PCNT: variants seen among roughly 807,000 people sequenced by gnomAD.
PCNT encodes the protein kendrin.
In PCNT, 319 loss-of-function variants were observed where a neutral mutation model predicts 380.4. The ratio of observed to expected loss-of-function variants is 0.84; its 90% CI spans 0.77 to 0.92. PCNT has a LOEUF of 0.92. Among genes scored for constraint, PCNT ranks in the 40% least tolerant of loss-of-function variants. PCNT has a pLI of 0.00. For missense variants in PCNT, 4,400 were observed against 4,255.3 expected, an observed-to-expected ratio of 1.03 and a Z score of -0.95; for synonymous variants, 1,845 against 1,735.2, an observed-to-expected ratio of 1.06 and a Z score of -1.57.
Position 46,366,678 on chromosome 21 carries a change from C to T in PCNT, c.2704C>T (p.Gln902Ter). 1.2e-6 allele frequency: 2 copies of T among 1,613,894 alleles called. No homozygotes were observed. Among genetic ancestry groups the T allele is most frequent in the Non-Finnish European group, 1.7e-6 (2 of 1,180,002 alleles). The change falls in exon 15 of 47, where the codon CAG becomes TAG. Residue 902 changes from glutamine (Q) to a stop codon, truncating the protein, a stop_gained. Coordinates refer to ENST00000359568, the MANE Select transcript of PCNT (RefSeq NM_006031.6). LOFTEE classifies it high-confidence loss of function. ...CCAGGAGCAGCATGCCCGTGAGCTG[C>T]AGCTCCTCCAGGAGAGACACCAGCA... ...EAQEQHARELQLLQERHQQQL... is the reference protein window; with the variant it reads ...EAQEQHAREL
intron 1 of PCNT, chr21:46,324,799 G>T: frequency 1.2e-6 from 1 of 839,552 alleles, no homozygotes; most frequent in Non-Finnish European, 1.4e-6. Flanking sequence ...GGCCGGGGCC[G>T]GGGGCGTGGC....
rs748224366 is a variant in PCNT, at chr21:46,411,530, C to G, written c.5457C>G (p.Ala1819=). 2.5e-6 allele frequency: 4 copies of G among 1,610,468 alleles called. No homozygotes were observed. The highest frequency in any genetic ancestry group is 1.7e-4 in the Middle Eastern group (1 of 5,978). Residue 1819 remains alanine, a synonymous_variant, in exon 28 of 47, where the codon GCC becomes GCG. Transcript: ENST00000359568. Reference sequence around the variant, plus strand: ...GCAGGCACAGCCAGGCCCTGGAGGCCCTGCAGCAGCGCCTCCAGGGCGCAG... The same window carrying G: ...GCAGGCACAGCCAGGCCCTGGAGGCGCTGCAGCAGCGCCTCCAGGGCGCAG... ...QERRHSQALE[A]LQQRLQGAEE...
At chr21:46,433,540 T>A (rs1009865620) in intron 38 of PCNT, among the ~76,000 whole-genome samples, 12 of 152,274 alleles carry the variant, frequency 7.9e-5, no homozygotes, top group African/African-American at 2.4e-4. Flanking sequence ...GGTGTGTGTG[T>A]TTGCCTTTCT....
In PCNT at chr21:46,440,210, C is replaced by A. The variant is rs750108017; in HGVS notation, c.9393+8C>A. On this transcript the variant is annotated splice_region_variant and intron_variant, in intron 42 of 46. Transcript: ENST00000359568. Reference sequence around the variant, plus strand: ...CACACCAGCAATGTCAAGGTAGGAACGGTGCCACGAGTATAGAACTTTGGT... The same window carrying A: ...CACACCAGCAATGTCAAGGTAGGAAAGGTGCCACGAGTATAGAACTTTGGT... 6.2e-7 allele frequency: 1 copy of A among 1,613,738 alleles called. No homozygotes were observed. Among genetic ancestry groups the A allele is most frequent in the African/African-American group, 1.3e-5 (1 of 74,918 alleles).
At chr21:46,364,374 T>A (rs1236453036) in intron 14 of PCNT, among the ~76,000 whole-genome samples, 3 of 150,148 alleles carry the variant, frequency 2.0e-5, no homozygotes, top group Admixed American at 2.0e-4. Flanking sequence ...GCTTTGTGTT[T>A]GGACGGGCAG....
intron 2 of PCNT, among the ~76,000 whole-genome samples, chr21:46,330,536 T>TCC (rs2083525007): frequency 6.6e-6 from 1 of 152,226 alleles, no homozygotes; most frequent in Non-Finnish European, 1.5e-5. Context: ...TTTTGTCAAT[T>TCC]ATGTATATAA....
chr21:46,376,643 G>A (rs760682211), intron 15 of PCNT, among the ~76,000 whole-genome samples: 1 of 152,226 alleles, frequency 6.6e-6, no homozygotes, highest in Non-Finnish European at 1.5e-5. Flanking sequence ...ATTCACCAGC[G>A]TTTTGTGGTT....
chr21:46,393,182 G>A (rs1008946957), intron 21 of PCNT, among the ~76,000 whole-genome samples: 1 of 152,148 alleles, frequency 6.6e-6, no homozygotes, highest in African/African-American at 2.4e-5. Context: ...GGAGTGCGGG[G>A]GAACCTCCAG....
chr21:46,342,252 G>T (rs1028677303), intron 3 of PCNT, among the ~76,000 whole-genome samples: 2 of 151,998 alleles, frequency 1.3e-5, no homozygotes, highest in Admixed American at 6.6e-5. Context: ...GATTACAGGC[G>T]TGCACAACTG....
At chr21:46,412,768 G>T (rs1213244775) in intron 28 of PCNT, 69 bp from the exon 29 acceptor site, 8 of 1,563,076 alleles carry the variant, frequency 5.1e-6, no homozygotes, top group Non-Finnish European at 7.0e-6. Flanking sequence ...CCCAGCTCCA[G>T]GCCACCTGAG....
At chr21:46,367,403 G>A (rs2084968027) in intron 15 of PCNT, among the ~76,000 whole-genome samples, 1 of 151,956 alleles carries the variant, frequency 6.6e-6, no homozygotes, top group East Asian at 1.9e-4. Flanking sequence ...CGCCTCCTGG[G>A]TTCAAGTGAT....
At chr21:46,426,072 T>TTTTTTA in intron 33 of PCNT, 101 bp downstream of exon 33, 2 of 788,034 alleles carry the variant, frequency 2.5e-6, no homozygotes, top group Non-Finnish European at 3.4e-6. Flanking sequence ...TTTCTTTCTT[T>TTTTTTA]TTTTTTTTTT....
intron 27 of PCNT, among the ~76,000 whole-genome samples, chr21:46,409,139 G>A (rs1452523781): frequency 6.6e-6 from 1 of 150,972 alleles, no homozygotes; most frequent in Non-Finnish European, 1.5e-5. Context: ...CCAATGTATG[G>A]CTGGTCTTTT....
intron 24 of PCNT, among the ~76,000 whole-genome samples, chr21:46,398,588 C>T (rs2086288073): frequency 6.6e-6 from 1 of 152,202 alleles, no homozygotes; most frequent in Non-Finnish European, 1.5e-5. Context: ...CCCCACGGAC[C>T]CTCGTGTACT....
At chr21:46,441,317 A>G (rs2053600848) in intron 43 of PCNT, among the ~76,000 whole-genome samples, 1 of 152,246 alleles carries the variant, frequency 6.6e-6, no homozygotes, top group South Asian at 2.1e-4. Context: ...CCTTTGTATT[A>G]CAGAGGAACA....
At chr21:46,390,492 T>C (rs935353450) in intron 19 of PCNT, among the ~76,000 whole-genome samples, 178 bp from the exon 20 acceptor site, 1 of 151,798 alleles carries the variant, frequency 6.6e-6, no homozygotes, top group Non-Finnish European at 1.5e-5. Context: ...TTGGAGACTG[T>C]GGCCACAGTG....
In PCNT at chr21:46,381,752, T is replaced by C. The variant is rs1158505587; in HGVS notation, c.3224T>C (p.Leu1075Pro). Reference protein sequence around the residue: ...ALHEKEETLRLQSAQAQPFHQ... With the variant: ...ALHEKEETLRPQSAQAQPFHQ... ...CATGAAAAAGAGGAGACACTTCGGC[T>C]TCAGAGTGCACAGGCACAGCCTTTT... The change falls in exon 16 of 47, where the codon CTT becomes CCT. Residue 1075 changes from leucine to proline, a missense_variant. Leu to Pro is a moderately conservative substitution (Grantham distance 98). Coordinates refer to ENST00000359568, the MANE Select transcript of PCNT (RefSeq NM_006031.6). The C allele has an allele frequency of 5.0e-6, 8 of 1,614,070 alleles. No individual in the cohort carries two copies. In the East Asian group the frequency reaches 1.3e-4, roughly 27 times the overall value.
intron 31 of PCNT, among the ~76,000 whole-genome samples, chr21:46,421,317 C>CT (rs1175905704): frequency 1.3e-5 from 2 of 151,584 alleles, no homozygotes; most frequent in African/African-American, 2.4e-5. Flanking sequence ...GTTTTGAAGT[C>CT]TAACACCCTT....
chr21:46,437,580 G>A (rs1260054276), intron 40 of PCNT, among the ~76,000 whole-genome samples: 1 of 152,262 alleles, frequency 6.6e-6, no homozygotes, highest in Admixed American at 6.5e-5. Flanking sequence ...GAAAGTCTGA[G>A]CTCACTGTAA....
Sources: gnomAD v4.1 joint callset for allele counts (sites outside exome capture counted in the v4.1 genomes callset) on GRCh38, gnomAD v4.1.1 for gene constraint, MANE v1.5 for transcripts, NCBI Gene and HGNC (gene_info 2026-07-23, HGNC 2026-07-21) for gene names.